Variants in GSG1L2 observed in about 807,000 individuals in gnomAD.
GSG1L2 encodes the protein GSG1 like 2.
GSG1L2 carries 15 observed loss-of-function variants against 9.0 expected under a neutral mutation model. The observed-to-expected ratio is 1.67, with a 90% CI of 1.12 to 2.57. The LOEUF is 2.57. GSG1L2 is among the 30% of genes most tolerant of loss of function. The pLI is 0.00. For missense variants in GSG1L2, 286 were observed against 150.3 expected, an observed-to-expected ratio of 1.90 and a Z score of -4.72; for synonymous variants, 127 against 57.9, an observed-to-expected ratio of 2.19 and a Z score of -5.41.
chr17:9,808,859 G>A lies in GSG1L2; in HGVS notation c.482C>T (p.Ala161Val), dbSNP rs577046936. The change falls in exon 3 of 5, where the codon GCC (alanine) becomes GTC (valine). Residue 161 changes from alanine (A) to valine (V), a missense_variant. Coordinates refer to ENST00000399363, the MANE Select transcript of GSG1L2 (RefSeq NM_001310219.2). ...CAGCACCATGAAGATGGCTACCAAG[G>A]CATCCACCCTGAGCCAGTGGAACCC... Reference protein sequence around the residue: ...SPGFHWLRVDALVAIFMVLAG... With the variant: ...SPGFHWLRVDVLVAIFMVLAG... The A allele has an allele frequency of 1.0e-4, 73 of 702,900 alleles. No homozygotes were observed. The African/African-American group carries it at 1.2e-3, about 12-fold the overall frequency. 43.5% of individuals were successfully genotyped at this position (702,900 alleles called of 1,614,324 possible). A position where few individuals can be genotyped will look rare whatever the true frequency, so the allele number is the denominator to read the frequency against.
intron 3 of GSG1L2, 36 bp downstream of exon 3, chr17:9,808,793 TG>T: frequency 1.4e-6 from 1 of 701,210 alleles, no homozygotes; most frequent in Non-Finnish European, 2.6e-6. Flanking sequence ...GCTTTCCCTC[TG>T]GGGCAGCCTG....
In GSG1L2 at chr17:9,810,596, C is replaced by G; in HGVS notation, c.333G>C (p.Arg111=). The G allele has an allele frequency of 1.4e-6, 1 of 703,008 alleles. No individual in the cohort carries two copies. Among genetic ancestry groups the G allele is most frequent in the East Asian group, 2.7e-5 (1 of 37,296 alleles). 43.5% of individuals were successfully genotyped at this position (703,008 alleles called of 1,614,324 possible). The part of the protein sequence containing the change: ...NGEDEKCRSF[R]SVVPAEEQGV... ...CTTGTTCTTCAGCTGGCACTACACT[C>G]CGGAAACTCCTACACTTTTCATCTG... Residue 111 remains arginine (R), a synonymous_variant, in exon 2 of 5, where the codon CGG becomes CGC. Transcript: ENST00000399363.
At position 9,810,567 on chromosome 17, in the gene GSG1L2, T is replaced by C; in HGVS notation, c.358+4A>G. The C allele has an allele frequency of 1.4e-6, 1 of 702,976 alleles. No individual in the cohort carries two copies. Among genetic ancestry groups the C allele is most frequent in the Non-Finnish European group, 2.6e-6 (1 of 385,000 alleles). 43.5% of individuals were successfully genotyped at this position (702,976 alleles called of 1,614,324 possible). Reference sequence around the variant, plus strand: ...AGTGGGCAGAGTGTGAGTAAGGTATTTACCTTGTTCTTCAGCTGGCACTAC... The same window carrying C: ...AGTGGGCAGAGTGTGAGTAAGGTATCTACCTTGTTCTTCAGCTGGCACTAC... On this transcript the variant is annotated splice_donor_region_variant and intron_variant, in intron 2 of 4. Coordinates refer to ENST00000399363, the MANE Select transcript of GSG1L2 (RefSeq NM_001310219.2).
At chr17:9,815,929 A>G (rs1344561179) in intron 1 of GSG1L2, among the ~76,000 whole-genome samples, 1 of 152,130 alleles carries the variant, frequency 6.6e-6, no homozygotes, top group East Asian at 1.9e-4. Flanking sequence ...TCCATTCATG[A>G]ATTAATGGGT....
intron 1 of GSG1L2, among the ~76,000 whole-genome samples, chr17:9,815,884 G>C (rs1451392436): frequency 6.6e-6 from 1 of 152,088 alleles, no homozygotes; most frequent in Non-Finnish European, 1.5e-5. Flanking sequence ...AGAGATGCTC[G>C]AGTCATGAAG....
chr17:9,806,502 T>A (rs1434737292), intron 4 of GSG1L2, among the ~76,000 whole-genome samples: 1 of 152,168 alleles, frequency 6.6e-6, no homozygotes, highest in African/African-American at 2.4e-5. Context: ...ATTAAGTAAT[T>A]GAAAGTAATA....
At chr17:9,816,880 A>C (rs374668318) in intron 1 of GSG1L2, among the ~76,000 whole-genome samples, 943 of 52,332 alleles carry the variant, frequency 0.018, 15 homozygotes, top group African/African-American at 0.073. Context: ...CTGTGTGTGT[A>C]TCTGTGTGTG....
Position 9,808,813 on chromosome 17 carries a change from A to G in GSG1L2, c.511+17T>C, listed in dbSNP as rs1169813546. On this transcript the variant is annotated intron_variant, in intron 3 of 4. Coordinates refer to ENST00000399363, the MANE Select transcript of GSG1L2 (RefSeq NM_001310219.2). ...CCCTCTGGGGCAGCCTGTTCCAAGG[A>G]TGCTGTTGGAAAGTACCTGCCAGCA... 7.1e-6 allele frequency: 5 copies of G among 702,590 alleles called. No homozygotes were observed. In the South Asian group the frequency reaches 7.4e-5, roughly 10 times the overall value. 43.5% of individuals were successfully genotyped at this position (702,590 alleles called of 1,614,324 possible). A position where few individuals can be genotyped will look rare whatever the true frequency, so the allele number is the denominator to read the frequency against.
chr17:9,805,089 A>C (rs1482315704), intron 4 of GSG1L2: 1 of 152,162 alleles, frequency 6.6e-6, no homozygotes, highest in Non-Finnish European at 1.5e-5. Context: ...AGAGAAACAA[A>C]ATATAAAGAA....
chr17:9,817,401 C>A (rs1207410495), intron 1 of GSG1L2, among the ~76,000 whole-genome samples: 1 of 150,678 alleles, frequency 6.6e-6, no homozygotes, highest in Non-Finnish European at 1.5e-5. Context: ...TCATGACTAG[C>A]AAGCTTCCAG....
chr17:9,808,422 C>T (rs2066524302), intron 3 of GSG1L2, among the ~76,000 whole-genome samples: 1 of 152,134 alleles, frequency 6.6e-6, no homozygotes, highest in African/African-American at 2.4e-5. Flanking sequence ...GCCAAAGTGT[C>T]TTGAGATACA....
Position 9,801,182 on chromosome 17 carries a change from A to G in GSG1L2, c.*1204T>C, listed in dbSNP as rs1426194714. On this transcript the variant is annotated 3_prime_UTR_variant, in exon 5 of 5. Coordinates refer to ENST00000399363, the MANE Select transcript of GSG1L2 (RefSeq NM_001310219.2). ...GAGCAAGGACATATTGAAGGTTGTT[A>G]GAGTTTGCAGTCCCTTTCTTTTCTT... Among the ~76,000 whole-genome samples the G allele has an allele frequency of 6.6e-6, 1 of 152,100 alleles. No homozygotes were observed.
chr17:9,803,513 A>G (rs182300139), intron 4 of GSG1L2, among the ~76,000 whole-genome samples: 1 of 152,336 alleles, frequency 6.6e-6, no homozygotes, highest in Admixed American at 6.5e-5. Context: ...GGAACATGGT[A>G]ATTAGCATCT....
chr17:9,807,543 G>T lies in GSG1L2; in HGVS notation c.570C>A (p.Asn190Lys). 1 of 703,112 alleles carries T rather than the reference G, an allele frequency of 1.4e-6. No homozygotes were observed. Among genetic ancestry groups the T allele is most frequent in the Non-Finnish European group, 2.6e-6 (1 of 385,030 alleles). The allele number at this position is 703,112 out of a possible 1,614,324, so 43.6% of individuals were successfully genotyped here. The change falls in exon 4 of 5, where the codon AAC becomes AAA. Residue 190 changes from asparagine (N) to lysine (K), a missense_variant. Transcript: ENST00000399363. ...MYTTIFQITV[N>K]LGPEDWKPQT... ...GAGGCTTCCAATCTTCTGGTCCAAG[G>T]TTCACAGTGATTTGAAAAATGGTTG...
At chr17:9,816,379 T>C (rs1481303275) in intron 1 of GSG1L2, among the ~76,000 whole-genome samples, 1 of 151,820 alleles carries the variant, frequency 6.6e-6, no homozygotes, top group Non-Finnish European at 1.5e-5. Context: ...TCTGTGTGTG[T>C]GCGTGTGTGT....
intron 1 of GSG1L2, among the ~76,000 whole-genome samples, chr17:9,818,456 TCCAAGTAG>T (rs2066576186): frequency 1.3e-5 from 2 of 151,232 alleles, no homozygotes; most frequent in Admixed American, 6.6e-5. Flanking sequence ...GCCTCAGCCT[TCCAAGTAG>T]CTGGGATTAC....
intron 4 of GSG1L2, among the ~76,000 whole-genome samples, chr17:9,806,504 A>G (rs1020621817): frequency 1.3e-5 from 2 of 152,258 alleles, no homozygotes; most frequent in Non-Finnish European, 2.9e-5. Flanking sequence ...TAAGTAATTG[A>G]AAGTAATAGA....
chr17:9,805,188 G>A (rs1369264434), intron 4 of GSG1L2: 1 of 152,030 alleles, frequency 6.6e-6, no homozygotes, highest in Non-Finnish European at 1.5e-5. Flanking sequence ...ACTGACGAAA[G>A]GAAATAATCA....
rs2066561446 is a variant in GSG1L2, at chr17:9,816,471, C to CAT, written c.310+5290_310+5291insAT. ...GTGTGTCTGTGTGTGCGTCCGTGTG[C>CAT]GTGTCTGTGTGTGTGCATGTGTCTG... On this transcript the variant is annotated intron_variant, in intron 1 of 4. Coordinates refer to ENST00000399363, the MANE Select transcript of GSG1L2 (RefSeq NM_001310219.2). Among the ~76,000 whole-genome samples, 7 of 71,906 alleles carry CAT rather than the reference C, an allele frequency of 9.7e-5. No homozygotes were observed. In the East Asian group the frequency reaches 0.022, roughly 223 times the overall value. The allele number at this position is 71,906 out of a possible 152,430, so 47.2% of individuals were successfully genotyped here. A position where few individuals can be genotyped will look rare whatever the true frequency, so the allele number is the denominator to read the frequency against.
Sources: allele counts gnomAD v4.1 joint callset (sites outside exome capture counted in the v4.1 genomes callset), GRCh38; gene constraint gnomAD v4.1.1; transcripts MANE v1.5; gene names NCBI Gene and HGNC (gene_info 2026-07-23, HGNC 2026-07-21).